SLC2A14: variants seen among roughly 807,000 people sequenced by gnomAD.
SLC2A14 encodes the protein solute carrier family 2 member 14.
A neutral mutation model predicts 43.0 loss-of-function variants in SLC2A14; 13 were observed. The observed-to-expected ratio is 0.30, with a 90% CI of 0.20 to 0.48. SLC2A14 has a LOEUF of 0.48. Ranked by LOEUF, SLC2A14 falls within the 20% of genes least tolerant of loss-of-function variation. The probability of loss-of-function intolerance (pLI) is 0.99; values close to 1 mark genes in which losing one functional copy is unlikely to be tolerated. For missense variants in SLC2A14, 428 were observed against 620.4 expected (o/e 0.69, Z 3.29); for synonymous variants, 190 against 233.8 (o/e 0.81, Z 1.71).
intron 1 of SLC2A14, among the ~76,000 whole-genome samples, chr12:7,879,049 AG>A (rs1286984437): frequency 6.8e-6 from 1 of 146,804 alleles, no homozygotes; most frequent in African/African-American, 2.5e-5. Context: ...TCTAGAAAGT[AG>A]GGGTGTCTGA....
rs149275301 is a variant in SLC2A14, at chr12:7,853,713, C to T, written c.18+16150G>A. Among the ~76,000 whole-genome samples the T allele has an allele frequency of 2.6e-3, 395 of 152,244 alleles. 6 individuals are homozygous for T. The highest frequency in any genetic ancestry group is 9.2e-3 in the African/African-American group (383 of 41,552). On this transcript the variant is annotated intron_variant, in intron 2 of 10. Coordinates refer to ENST00000431042, the MANE Select transcript of SLC2A14 (RefSeq NM_001286234.2). ...ATTTTGTATATGATTATTCTGGTCA[C>T]GTTAGTCCTTGGCATCCTACCTTAT... is the stretch of plus-strand genomic sequence containing the variant.
upstream of SLC2A14, among the ~76,000 whole-genome samples, chr12:7,874,910 CATATATAAATATATATTTATATATAATTT>C (rs1565585047): frequency 2.3e-5 from 2 of 86,964 alleles, no homozygotes; most frequent in African/African-American, 5.4e-5. Context: ...TATATAAATA[CATATATAAATATATATTTATATATAATTT>C]ATATATAAAT....
intron 1 of SLC2A14, among the ~76,000 whole-genome samples, chr12:7,887,200 C>T (rs145809047): frequency 4.4e-4 from 67 of 152,158 alleles, no homozygotes; most frequent in African/African-American, 1.6e-3. Context: ...GCATGAGCCA[C>T]CGCGCCCGGC....
At chr12:7,833,612 C>T (rs1008333655) in intron 2 of SLC2A14, among the ~76,000 whole-genome samples, 4 of 152,024 alleles carry the variant, frequency 2.6e-5, no homozygotes, top group Non-Finnish European at 5.9e-5. Context: ...GAAACCCCAT[C>T]TCTACTAAAA....
rs925342794 is a variant in SLC2A14 at position 7,869,947 on chromosome 12, G to GT, written c.-57-11dup. ...TTCAAGGTACTGCTTCCTGTAAATT[G>GT]TAATTGTCTAGTTATTCATTTACTC... On this transcript the variant is annotated splice_polypyrimidine_tract_variant and intron_variant, in intron 1 of 10. Transcript: ENST00000431042. 32 of 1,502,944 alleles carry GT rather than the reference G, an allele frequency of 2.1e-5. No individual in the cohort carries two copies. The highest frequency in any genetic ancestry group is 4.1e-5 in the Admixed American group (2 of 48,594). 93.1% of individuals were successfully genotyped at this position (1,502,944 alleles called of 1,614,324 possible).
intron 1 of SLC2A14, among the ~76,000 whole-genome samples, chr12:7,888,993 A>G (rs1430237808): frequency 6.6e-6 from 1 of 151,986 alleles, no homozygotes; most frequent in Non-Finnish European, 1.5e-5. Context: ...ATACATACAC[A>G]GGTATCAGGC....
intron 4 of SLC2A14, 22 bp from the exon 5 acceptor site, chr12:7,830,028 AC>A: frequency 6.2e-7 from 1 of 1,613,362 alleles, no homozygotes; most frequent in Non-Finnish European, 8.5e-7. Flanking sequence ...ATCAAAGACA[AC>A]ATGGAATTAG....
intron 1 of SLC2A14, among the ~76,000 whole-genome samples, chr12:7,887,029 A>G (rs901755202): frequency 9.4e-5 from 14 of 149,522 alleles, no homozygotes; most frequent in African/African-American, 3.5e-4. Flanking sequence ...CTCCTGCCTC[A>G]GCCTCCTGAG....
chr12:7,874,961 T>A (rs1240912502), upstream of SLC2A14, among the ~76,000 whole-genome samples: 114 of 6,354 alleles, frequency 0.018, no homozygotes, highest in Middle Eastern at 0.5. Flanking sequence ...TATTTATATA[T>A]AAATTATATA....
At chr12:7,871,322 T>C (rs28591458) in intron 1 of SLC2A14, 124,686 of 1,019,294 alleles carry the variant, frequency 0.12, 8,209 homozygotes, top group East Asian at 0.34. Flanking sequence ...CAAGTTCAAC[T>C]AGGTGGAGTT....
At chr12:7,820,803 C>T (rs1046716130) in intron 8 of SLC2A14, among the ~76,000 whole-genome samples, 11 of 152,028 alleles carry the variant, frequency 7.2e-5, no homozygotes, top group Non-Finnish European at 1.6e-4. Flanking sequence ...AATTAAACAA[C>T]AGTCCGGGCA....
At chr12:7,889,270 G>C (rs745535546) in intron 1 of SLC2A14, among the ~76,000 whole-genome samples, 3 of 126,482 alleles carry the variant, frequency 2.4e-5, no homozygotes, top group Non-Finnish European at 1.6e-5. Context: ...TTTCGCTCTT[G>C]TTGTCTAGGC....
intron 2 of SLC2A14, among the ~76,000 whole-genome samples, chr12:7,833,342 C>A (rs769748409): frequency 6.6e-6 from 1 of 152,296 alleles, no homozygotes; most frequent in African/African-American, 2.4e-5. Flanking sequence ...GACCATGTAA[C>A]CTACTGGATC....
chr12:7,852,453 T>C (rs1867016356), intron 2 of SLC2A14, among the ~76,000 whole-genome samples: 1 of 152,126 alleles, frequency 6.6e-6, no homozygotes, highest in South Asian at 2.1e-4. Flanking sequence ...AAGAGAGCAG[T>C]GATTAGTTGG....
chr12:7,863,199 C>G (rs1021464489), intron 2 of SLC2A14, among the ~76,000 whole-genome samples: 1 of 152,074 alleles, frequency 6.6e-6, no homozygotes, highest in Non-Finnish European at 1.5e-5. Flanking sequence ...AAGGAACGAA[C>G]GACTCCTGAC....
intron 2 of SLC2A14, among the ~76,000 whole-genome samples, chr12:7,835,869 T>C (rs1378298413): frequency 1.3e-5 from 2 of 152,158 alleles, no homozygotes. Context: ...GTAGGCAGAG[T>C]TCACTTTGAA....
At position 7,839,300 on chromosome 12, in the gene SLC2A14, T is replaced by G. The variant is rs893002804; in HGVS notation, c.19-6486A>C. 2.1e-3 allele frequency among the ~76,000 whole-genome samples: 286 copies of G among 138,092 alleles called. 1 individual carries two copies. The highest frequency in any genetic ancestry group is 6.9e-3 in the African/African-American group (261 of 38,036). The allele number at this position is 138,092 out of a possible 152,430, so 90.6% of individuals were successfully genotyped here. Reference sequence around the variant, plus strand: ...CCTGAATCACACGAGAAAGTCAACCTTGGGAGTATCTGAAAACAGCATTTC... The same window carrying G: ...CCTGAATCACACGAGAAAGTCAACCGTGGGAGTATCTGAAAACAGCATTTC... On this transcript the variant is annotated intron_variant, in intron 2 of 10. Transcript: ENST00000431042.
chr12:7,881,903 T>A (rs760553865), intron 1 of SLC2A14, among the ~76,000 whole-genome samples: 1 of 152,270 alleles, frequency 6.6e-6, no homozygotes, highest in East Asian at 1.9e-4. Flanking sequence ...ATCTAGCTAC[T>A]GTGATGGGGA....
chr12:7,833,547 A>T (rs956671772), intron 2 of SLC2A14, among the ~76,000 whole-genome samples: 6 of 152,186 alleles, frequency 3.9e-5, no homozygotes, highest in Admixed American at 3.9e-4. Context: ...CAGGTGGGCC[A>T]AGGCAGGTGG....
Sources: gnomAD v4.1 joint callset for allele counts (sites outside exome capture counted in the v4.1 genomes callset) on GRCh38, gnomAD v4.1.1 for gene constraint, MANE v1.5 for transcripts, NCBI Gene and HGNC (gene_info 2026-07-23, HGNC 2026-07-21) for gene names.